The following ITPR1 variants were observed in gnomAD, a reference collection of about 807,000 sequenced individuals.
ITPR1 encodes the protein inositol 1,4,5-trisphosphate-gated calcium channel ITPR1.
In ITPR1, 96 loss-of-function variants were observed where a neutral mutation model predicts 318.4. The observed-to-expected ratio is 0.30, with a 90% confidence interval of 0.26 to 0.36. The LOEUF (loss-of-function observed/expected upper bound fraction) is 0.36, where lower values mean the gene tolerates loss of function less well. Among genes scored for constraint, ITPR1 ranks in the 10% least tolerant of loss-of-function variants. The probability of loss-of-function intolerance (pLI) is 1.00; values close to 1 mark genes in which losing one functional copy is unlikely to be tolerated. For missense variants in ITPR1, 2,440 were observed against 3,460.2 expected, an observed-to-expected ratio of 0.71 and a Z score of 7.40; for synonymous variants, 1,312 against 1,289.9, an observed-to-expected ratio of 1.02 and a Z score of -0.37.
At chr3:4,727,991 T>TAA (rs2042644827) in intron 42 of ITPR1, among the ~76,000 whole-genome samples, 1 of 152,232 alleles carries the variant, frequency 6.6e-6, no homozygotes, top group Non-Finnish European at 1.5e-5. Flanking sequence ...ACAACTTTTG[T>TAA]ACCCTGTTTT....
At chr3:4,777,137 A>C in intron 47 of ITPR1, 127 bp from the exon 48 acceptor site, 1 of 531,958 alleles carries the variant, frequency 1.9e-6, no homozygotes, top group South Asian at 3.1e-5. Flanking sequence ...GAAAATTTGC[A>C]GCTCTCCCCT....
At chr3:4,535,485 C>G (rs2083782032) in intron 4 of ITPR1, among the ~76,000 whole-genome samples, 1 of 134,438 alleles carries the variant, frequency 7.4e-6, no homozygotes, top group Non-Finnish European at 1.6e-5. Context: ...CTCTGTTGCC[C>G]AGGCTGGAGT....
intron 4 of ITPR1, among the ~76,000 whole-genome samples, chr3:4,526,715 C>G (rs2083007598): frequency 6.6e-6 from 1 of 152,198 alleles, no homozygotes; most frequent in African/African-American, 2.4e-5. Context: ...AATGGAAGCT[C>G]TAAGAAGTTG....
intron 4 of ITPR1, among the ~76,000 whole-genome samples, chr3:4,579,098 G>C (rs543448451): frequency 6.6e-6 from 1 of 152,226 alleles, no homozygotes; most frequent in South Asian, 2.1e-4. Flanking sequence ...GCAGGCTCAG[G>C]GTCACCTTAC....
rs191021955 is a variant in ITPR1 at position 4,653,887 on chromosome 3, G to A, written c.996+1G>A. The A allele has an allele frequency of 3.1e-6, 5 of 1,607,094 alleles. No individual in the cohort carries two copies. Among genetic ancestry groups the A allele is most frequent in the Non-Finnish European group, 8.5e-7 (1 of 1,174,570 alleles). Reference sequence around the variant, plus strand: ...AGAATGCCTGGAGTTTCAGCCCTCAGTAAGTATGGACAAGAGCCTTCTTGT... The same window carrying A: ...AGAATGCCTGGAGTTTCAGCCCTCAATAAGTATGGACAAGAGCCTTCTTGT... On this transcript the variant is annotated splice_donor_variant, in intron 12 of 61. Transcript: ENST00000649015. LOFTEE classifies it high-confidence loss of function.
chr3:4,761,027 A>G (rs1356381299), intron 44 of ITPR1, among the ~76,000 whole-genome samples: 3 of 152,314 alleles, frequency 2.0e-5, no homozygotes, highest in Admixed American at 6.5e-5. Context: ...GAAACTGCCA[A>G]CCTAATCAAG....
chr3:4,705,001 C>T (rs1001466517), intron 36 of ITPR1, among the ~76,000 whole-genome samples: 4 of 151,774 alleles, frequency 2.6e-5, no homozygotes, highest in Non-Finnish European at 5.9e-5. Context: ...TGTTGGCTGG[C>T]TTATAGTTTT....
At chr3:4,794,394 G>T (rs1176440396) in intron 52 of ITPR1, among the ~76,000 whole-genome samples, 1 of 152,188 alleles carries the variant, frequency 6.6e-6, no homozygotes, top group Non-Finnish European at 1.5e-5. Flanking sequence ...CCTGGAGATG[G>T]GAACTCTGCT....
At chr3:4,793,753 G>T (rs2047719722) in intron 52 of ITPR1, among the ~76,000 whole-genome samples, 1 of 152,152 alleles carries the variant, frequency 6.6e-6, no homozygotes, top group African/African-American at 2.4e-5. Context: ...CTTCTGCCCT[G>T]TGCTGGGCCT....
intron 31 of ITPR1, among the ~76,000 whole-genome samples, chr3:4,689,163 T>G (rs969411750): frequency 1.3e-5 from 2 of 152,244 alleles, no homozygotes; most frequent in South Asian, 2.1e-4. Flanking sequence ...ATCAGAGAGA[T>G]ATAAATTTTT....
At chr3:4,749,016 G>A (rs893278924) in intron 44 of ITPR1, among the ~76,000 whole-genome samples, 6 of 152,198 alleles carry the variant, frequency 3.9e-5, no homozygotes, top group Non-Finnish European at 7.3e-5. Flanking sequence ...GGGCTGATGC[G>A]CTTCGGTGAC....
At chr3:4,768,284 CT>C (rs1166234451) in intron 45 of ITPR1, 7 of 456,792 alleles carry the variant, frequency 1.5e-5, no homozygotes, top group Non-Finnish European at 2.7e-5. Context: ...CTGAAACACA[CT>C]GTACACGTAG....
At chr3:4,657,390 TTTTTTTG>T (rs1352343123) in intron 12 of ITPR1, among the ~76,000 whole-genome samples, 3 of 151,338 alleles carry the variant, frequency 2.0e-5, no homozygotes, top group African/African-American at 7.3e-5. Context: ...CCTAGAGTTT[TTTTTTTG>T]TTTTTTTTTT....
intron 5 of ITPR1, among the ~76,000 whole-genome samples, chr3:4,637,012 G>T (rs1475030901): frequency 3.9e-5 from 6 of 152,210 alleles, no homozygotes; most frequent in African/African-American, 1.2e-4. Context: ...GAAGCCATTG[G>T]ACATTCTTGA....
chr3:4,814,963 A>G, intron 58 of ITPR1, 90 bp from the exon 59 acceptor site: 1 of 1,037,076 alleles, frequency 9.6e-7, no homozygotes, highest in South Asian at 1.7e-5. Context: ...CTACCCAAGT[A>G]GATGAGGTCT....
chr3:4,645,086 T>G (rs2093425091), intron 8 of ITPR1, among the ~76,000 whole-genome samples: 1 of 152,214 alleles, frequency 6.6e-6, no homozygotes, highest in Non-Finnish European at 1.5e-5. Flanking sequence ...CTTTACTTTC[T>G]GGCTACAGAA....
chr3:4,735,610 C>G, intron 44 of ITPR1: 1 of 480,438 alleles, frequency 2.1e-6, no homozygotes, highest in Non-Finnish European at 3.7e-6. Flanking sequence ...GGAAACTGGC[C>G]TAAGATCTGG....
At chr3:4,733,735 G>A (rs1181574646) in intron 43 of ITPR1, among the ~76,000 whole-genome samples, 1 of 152,140 alleles carries the variant, frequency 6.6e-6, no homozygotes, top group African/African-American at 2.4e-5. Context: ...TTAGTGGCTG[G>A]TCTGTAATTT....
At chr3:4,754,944 T>C (rs1166902740) in intron 44 of ITPR1, among the ~76,000 whole-genome samples, 3 of 152,252 alleles carry the variant, frequency 2.0e-5, no homozygotes, top group Non-Finnish European at 4.4e-5. Flanking sequence ...CTGTGCCGTG[T>C]ATCCCCACAA....
Sources: allele counts gnomAD v4.1 joint callset (sites outside exome capture counted in the v4.1 genomes callset), GRCh38; gene constraint gnomAD v4.1.1; transcripts MANE v1.5; gene names NCBI Gene and HGNC (gene_info 2026-07-23, HGNC 2026-07-21).